LTBP1: variants seen among roughly 807,000 people sequenced by gnomAD.
The protein encoded by LTBP1 is latent-transforming growth factor beta-binding protein 1.
A neutral mutation model predicts 207.6 loss-of-function variants in LTBP1; 129 were observed. That is an observed-to-expected ratio of 0.62 (90% CI 0.54 to 0.72). The LOEUF (loss-of-function observed/expected upper bound fraction) is 0.72, where lower values mean the gene tolerates loss of function less well. Among genes scored for constraint, LTBP1 ranks in the 30% least tolerant of loss-of-function variants. LTBP1 has a pLI of 0.00. For missense variants in LTBP1, 2,281 were observed against 2,217.2 expected (o/e 1.03, Z -0.58); for synonymous variants, 963 against 833.7 (o/e 1.16, Z -2.67).
intron 5 of LTBP1, among the ~76,000 whole-genome samples, chr2:33,169,462 C>G (rs2085229003): frequency 6.6e-6 from 1 of 152,154 alleles, no homozygotes; most frequent in Non-Finnish European, 1.5e-5. Flanking sequence ...TAGTTACAAT[C>G]TGTACTTAAT....
In LTBP1 at chr2:32,998,512, T is replaced by TAAA. The variant is rs769287082; in HGVS notation, c.566-22365_566-22363dup. ...CTGGCAACAGAGTGAGACTCCATCT[T>TAAA]AAAAAAAAAAAAAAAAAAAAAAAAA... On this transcript the variant is annotated intron_variant, in intron 2 of 33. Transcript: ENST00000404816. Among the ~76,000 whole-genome samples the TAAA allele has an allele frequency of 1.4e-4, 4 of 29,236 alleles. 1 individual carries two copies. Among genetic ancestry groups the TAAA allele is most frequent in the African/African-American group, 1.7e-4 (2 of 11,658 alleles). 19.2% of individuals were successfully genotyped at this position (29,236 alleles called of 152,430 possible).
chr2:33,133,717 C>T (rs545476326), intron 4 of LTBP1, among the ~76,000 whole-genome samples: 1 of 152,140 alleles, frequency 6.6e-6, no homozygotes, highest in Admixed American at 6.5e-5. Context: ...TTTACAAAAG[C>T]AGGCAGCAAG....
At chr2:33,296,374 T>C (rs1306269234) in intron 20 of LTBP1, among the ~76,000 whole-genome samples, 2 of 152,106 alleles carry the variant, frequency 1.3e-5, no homozygotes, top group African/African-American at 4.8e-5. Context: ...GTGAAGATTC[T>C]TCACAGGGCA....
chr2:33,392,432 G>A (rs1025311192), intron 32 of LTBP1, among the ~76,000 whole-genome samples: 5 of 152,156 alleles, frequency 3.3e-5, no homozygotes, highest in African/African-American at 1.2e-4. Context: ...TGATCCACCT[G>A]CCTTGGCCTT....
At chr2:33,387,110 G>A (rs767782996) in intron 31 of LTBP1, among the ~76,000 whole-genome samples, 5 of 152,004 alleles carry the variant, frequency 3.3e-5, no homozygotes, top group Admixed American at 6.6e-5. Flanking sequence ...ATGCCCGGCC[G>A]ACAGTTTCTT....
At chr2:33,194,865 A>T (rs1214176656) in intron 7 of LTBP1, among the ~76,000 whole-genome samples, 1 of 152,224 alleles carries the variant, frequency 6.6e-6, no homozygotes, top group Non-Finnish European at 1.5e-5. Context: ...TTAAGGGCTA[A>T]TGCAGCTGGT....
At chr2:32,955,029 T>A (rs892386718) in intron 2 of LTBP1, among the ~76,000 whole-genome samples, 3 of 152,246 alleles carry the variant, frequency 2.0e-5, no homozygotes, top group Non-Finnish European at 2.9e-5. Context: ...TGGAAGGGTT[T>A]GTTAAAATGT....
chr2:33,306,773 C>A (rs899850318), intron 22 of LTBP1, among the ~76,000 whole-genome samples: 1 of 151,866 alleles, frequency 6.6e-6, no homozygotes, highest in African/African-American at 2.4e-5. Flanking sequence ...TCCTACAAAG[C>A]AAAGAAAGAA....
chr2:33,173,850 T>C (rs9679548), intron 5 of LTBP1, among the ~76,000 whole-genome samples: 58,384 of 132,098 alleles, frequency 0.44, 13,666 homozygotes, highest in Non-Finnish European at 0.49. Context: ...GCTGGTTCAA[T>C]ATACACAAAT....
At chr2:33,091,380 G>C (rs72793750) in intron 3 of LTBP1, among the ~76,000 whole-genome samples, 15,385 of 152,070 alleles carry the variant, frequency 0.1, 1,058 homozygotes, top group Non-Finnish European at 0.15. Context: ...TTTGAGTTCT[G>C]GTCTCTCTCT....
At chr2:33,326,940 C>T (rs1022440352) in intron 24 of LTBP1, among the ~76,000 whole-genome samples, 4 of 152,162 alleles carry the variant, frequency 2.6e-5, no homozygotes, top group African/African-American at 9.7e-5. Flanking sequence ...TGAGCCATTG[C>T]ACCTGGCTGA....
intron 31 of LTBP1, among the ~76,000 whole-genome samples, chr2:33,385,041 A>C (rs921230446): frequency 6.6e-6 from 1 of 152,232 alleles, no homozygotes; most frequent in Non-Finnish European, 1.5e-5. Flanking sequence ...TTTCTGATTT[A>C]GGCCTATATT....
At chr2:33,233,107 G>T (rs1283507428) in intron 9 of LTBP1, among the ~76,000 whole-genome samples, 1 of 152,090 alleles carries the variant, frequency 6.6e-6, no homozygotes, top group Non-Finnish European at 1.5e-5. Flanking sequence ...TTTGAAAAGT[G>T]TTCACCTATT....
At chr2:33,119,718 T>G (rs1376221814) in intron 4 of LTBP1, among the ~76,000 whole-genome samples, 1 of 152,090 alleles carries the variant, frequency 6.6e-6, no homozygotes, top group Non-Finnish European at 1.5e-5. Flanking sequence ...CCACCACGCC[T>G]GGCTAATTTT....
intron 3 of LTBP1, among the ~76,000 whole-genome samples, chr2:33,024,040 C>A (rs1451787954): frequency 6.6e-6 from 1 of 152,152 alleles, no homozygotes; most frequent in Admixed American, 6.5e-5. Flanking sequence ...GTGTTACGTT[C>A]ATTGTGTGTC....
At chr2:33,231,936 C>T (rs1225803009) in intron 9 of LTBP1, among the ~76,000 whole-genome samples, 1 of 152,056 alleles carries the variant, frequency 6.6e-6, no homozygotes, top group South Asian at 2.1e-4. Context: ...AGATTTTATT[C>T]AGGTAACTGT....
At chr2:33,209,556 T>C (rs2090142310) in intron 7 of LTBP1, among the ~76,000 whole-genome samples, 1 of 152,262 alleles carries the variant, frequency 6.6e-6, no homozygotes, top group Admixed American at 6.5e-5. Context: ...TACAATGACA[T>C]GCCCTCCACA....
intron 7 of LTBP1, among the ~76,000 whole-genome samples, chr2:33,207,988 C>T (rs547774244): frequency 1.0e-3 from 154 of 152,300 alleles, no homozygotes; most frequent in Non-Finnish European, 1.1e-3. Flanking sequence ...TTGGATTGAT[C>T]CAACAACCTG....
chr2:32,985,586 A>C (rs1683430617), intron 2 of LTBP1, among the ~76,000 whole-genome samples: 1 of 152,226 alleles, frequency 6.6e-6, no homozygotes, highest in Admixed American at 6.5e-5. Context: ...GATTTCCCAG[A>C]CTACAGATGA....
Sources: allele counts gnomAD v4.1 joint callset (sites outside exome capture counted in the v4.1 genomes callset), GRCh38; gene constraint gnomAD v4.1.1; transcripts MANE v1.5; gene names NCBI Gene and HGNC (gene_info 2026-07-23, HGNC 2026-07-21).